Variants in PODN observed in about 807,000 individuals in gnomAD.
The protein encoded by PODN is podocan proteoglycan.
Under a neutral mutation model 52.7 loss-of-function variants are expected in PODN, and 40 were observed. The observed-to-expected ratio is 0.76, with a 90% CI of 0.59 to 0.99. The LOEUF is 0.99. Among genes scored for constraint, PODN ranks in the 50% least tolerant of loss-of-function variants. The probability of loss-of-function intolerance (pLI) is 0.00; values close to 1 mark genes in which losing one functional copy is unlikely to be tolerated. For missense variants in PODN, 720 were observed against 815.1 expected, an observed-to-expected ratio of 0.88 and a Z score of 1.42; for synonymous variants, 396 against 377.9, an observed-to-expected ratio of 1.05 and a Z score of -0.56.
Position 53,078,629 on chromosome 1 carries a change from C to G in PODN, c.1119C>G (p.Arg373=), listed in dbSNP as rs373979403. 2 of 1,612,922 alleles carry G rather than the reference C, an allele frequency of 1.2e-6. No individual in the cohort carries two copies. The highest frequency in any genetic ancestry group is 2.7e-5 in the African/African-American group (2 of 74,956). ...TVHLYNNALE[R]VPSGLPRRVR... The stretch of plus-strand genomic sequence containing the variant: ...ACCTGTACAACAACGCGCTGGAGCG[C>G]GTGCCCAGTGGCCTGCCTCGCCGCG... Residue 373 remains arginine (R), a synonymous_variant, in exon 8 of 11, where the codon CGC becomes CGG. Transcript: ENST00000312553.
intron 5 of PODN, among the ~76,000 whole-genome samples, chr1:53,076,670 A>G (rs1644199241): frequency 6.6e-6 from 1 of 151,276 alleles, no homozygotes; most frequent in African/African-American, 2.4e-5. Context: ...TTATATATAT[A>G]TGCATATATC....
At chr1:53,077,626 G>A (rs529271473) in intron 6 of PODN, 59 bp from the exon 7 acceptor site, 1 of 1,495,668 alleles carries the variant, frequency 6.7e-7, no homozygotes, top group East Asian at 2.3e-5. Flanking sequence ...TCATCCCGAG[G>A]CCCTGACCTT....
rs776904611 is a variant in PODN, at chr1:53,070,161, T to C, written c.306T>C (p.Ser102=). Reference sequence around the variant, plus strand: ...TGCCTGAGCACACCAACCACCTATCTCTGCAGGTGAGGTCGGCGTTGCACC... The same window carrying C: ...TGCCTGAGCACACCAACCACCTATCCCTGCAGGTGAGGTCGGCGTTGCACC... ...GDLPEHTNHL[S]LQNNQLEKIY... Residue 102 remains serine, a synonymous_variant, in exon 2 of 11, where the codon TCT becomes TCC. Transcript: ENST00000312553. The C allele has an allele frequency of 6.2e-7, 1 of 1,607,832 alleles. No homozygotes were observed. The highest frequency in any genetic ancestry group is 2.2e-5 in the East Asian group (1 of 44,870).
At chr1:53,074,785 G>T in intron 4 of PODN, 115 bp downstream of exon 4, 1 of 908,878 alleles carries the variant, frequency 1.1e-6, no homozygotes, top group Non-Finnish European at 1.7e-6. Context: ...GGTCCTTGTT[G>T]CTGCTCAGAC....
Position 53,082,056 on chromosome 1 carries a change from T to C in PODN, c.1737T>C (p.Ile579=). The change falls in exon 10 of 11, where the codon ATT becomes ATC. Residue 579 remains isoleucine, a synonymous_variant. Coordinates refer to ENST00000312553, the MANE Select transcript of PODN (RefSeq NM_153703.5). Reference sequence around the variant, plus strand: ...TGAAGCACCTGCAGGTCTTGGACATTGAAGGCAACTTAGAGTTTGGTGACA... The same window carrying C: ...TGAAGCACCTGCAGGTCTTGGACATCGAAGGCAACTTAGAGTTTGGTGACA... The part of the protein sequence containing the change: ...RRLKHLQVLD[I]EGNLEFGDIS... 1 of 1,613,824 alleles carries C rather than the reference T, an allele frequency of 6.2e-7. No homozygotes were observed. The highest frequency in any genetic ancestry group is 1.1e-5 in the South Asian group (1 of 91,042).
chr1:53,083,025 G>A (rs975507400), intron 10 of PODN, among the ~76,000 whole-genome samples: 7 of 152,210 alleles, frequency 4.6e-5, no homozygotes, highest in Non-Finnish European at 8.8e-5. Context: ...GCTGCTGAGG[G>A]GCTGAGGGAA....
At chr1:53,077,136 T>TGGCGCAGGGCCTGGGG (rs1644205344) in intron 5 of PODN, 54 bp from the exon 6 acceptor site, 4 of 1,589,786 alleles carry the variant, frequency 2.5e-6, no homozygotes, top group Non-Finnish European at 3.4e-6. Flanking sequence ...CCAGTTGAGC[T>TGGCGCAGGGCCTGGGG]GGCGCAGGGC....
chr1:53,085,220 C>T lies in PODN; in HGVS notation c.*735C>T, dbSNP rs1488184698. The T allele has an allele frequency of 6.6e-6, 1 of 152,230 alleles. No homozygotes were observed. Among genetic ancestry groups the T allele is most frequent in the Non-Finnish European group, 1.5e-5 (1 of 68,104 alleles). 9.4% of individuals were successfully genotyped at this position (152,230 alleles called of 1,614,324 possible). On this transcript the variant is annotated 3_prime_UTR_variant, in exon 11 of 11. Transcript: ENST00000312553. ...CTGCCACGCCCTGGCAGGACACAGG[C>T]ACTTTTCCAATGGGCAAGCCCAGTG...
At position 53,080,879 on chromosome 1, in the gene PODN, A is replaced by T; in HGVS notation, c.1661+3A>T. 3 of 1,613,812 alleles carry T rather than the reference A, an allele frequency of 1.9e-6. No individual in the cohort carries two copies. The highest frequency in any genetic ancestry group is 2.5e-6 in the Non-Finnish European group (3 of 1,180,002). ...AACCTCAAGGGGATCTTTCTCAGGTAGGAGCCCACTCGCGGCCCTGTACAC... is the reference window on the plus strand; with the variant it reads ...AACCTCAAGGGGATCTTTCTCAGGTTGGAGCCCACTCGCGGCCCTGTACAC... On this transcript the variant is annotated splice_donor_region_variant and intron_variant, in intron 9 of 10. Transcript: ENST00000312553.
chr1:53,076,146 G>A (rs1395490685), intron 5 of PODN, among the ~76,000 whole-genome samples, 175 bp downstream of exon 5: 1 of 152,218 alleles, frequency 6.6e-6, no homozygotes, highest in East Asian at 1.9e-4. Flanking sequence ...CAGGAGGTGA[G>A]GACAGAGAGT....
chr1:53,080,693 G>A (rs1644282118), intron 8 of PODN, 35 bp from the exon 9 acceptor site: 2 of 1,605,302 alleles, frequency 1.2e-6, no homozygotes, highest in Non-Finnish European at 1.7e-6. Flanking sequence ...CTTTGCACAG[G>A]TGGGAGTCCC....
At chr1:53,073,400 T>C (rs1644148191) in intron 3 of PODN, 1 of 152,432 alleles carries the variant, frequency 6.6e-6, no homozygotes, top group Admixed American at 6.5e-5. Flanking sequence ...TAGTGATTGG[T>C]TGAAGAATCT....
chr1:53,075,892 G>GC lies in PODN; in HGVS notation c.505dup (p.Leu169ProfsTer108). On this transcript the variant is annotated frameshift_variant, in exon 5 of 11. Transcript: ENST00000312553. LOFTEE classifies it high-confidence loss of function. ...CTTGGCACCCCGCTTCCTGCCAAAC[G>GC]CCCTGATCAGTGTGGACTTTGCTGC... 1 of 1,605,294 alleles carries GC rather than the reference G, an allele frequency of 6.2e-7. No homozygotes were observed.
intron 1 of PODN, among the ~76,000 whole-genome samples, chr1:53,063,005 G>A (rs1293552314): frequency 6.6e-6 from 1 of 152,236 alleles, no homozygotes; most frequent in Non-Finnish European, 1.5e-5. Flanking sequence ...GTGGGGGTCC[G>A]CGAAGCGCGA....
chr1:53,078,989 C>T lies in PODN; in HGVS notation c.1479C>T (p.Gly493=), dbSNP rs760164519. 2.6e-6 allele frequency: 4 copies of T among 1,565,968 alleles called. No homozygotes were observed. Among genetic ancestry groups the T allele is most frequent in the East Asian group, 4.7e-5 (2 of 42,560 alleles). ...ACCGACTGCGCAGCCGAGCCCTGGG[C>T]CCCCGTGCCTGGGTGGACCTCGCCC... The part of the protein sequence containing the change: ...TSNRLRSRAL[G]PRAWVDLAHL... Residue 493 remains glycine (G), a synonymous_variant, in exon 8 of 11, where the codon GGC becomes GGT. Coordinates refer to ENST00000312553, the MANE Select transcript of PODN (RefSeq NM_153703.5).
chr1:53,078,520 A>G lies in PODN; in HGVS notation c.1010A>G (p.Tyr337Cys), dbSNP rs1399761457. 1.2e-6 allele frequency: 2 copies of G among 1,613,142 alleles called. No homozygotes were observed. Among genetic ancestry groups the G allele is most frequent in the Non-Finnish European group, 1.7e-6 (2 of 1,180,052 alleles). ...CTGACCCCCATCCGCAGCCTGGAGT[A>G]CCTGCTGCTGCACAGCAACCAGCTG... ...NVLTPIRSLE[Y>C]LLLHSNQLRE... The change falls in exon 8 of 11, where the codon TAC becomes TGC. Residue 337 changes from tyrosine (Y) to cysteine (C), a missense_variant. Transcript: ENST00000312553.
intron 1 of PODN, among the ~76,000 whole-genome samples, chr1:53,068,701 G>A (rs1003147928): frequency 2.6e-5 from 4 of 152,212 alleles, no homozygotes; most frequent in African/African-American, 9.7e-5. Context: ...CTGAGAGTCA[G>A]TGAACCTGAG....
At chr1:53,063,564 G>A in intron 1 of PODN, 5 of 985,502 alleles carry the variant, frequency 5.1e-6, no homozygotes, top group Non-Finnish European at 6.0e-6. Context: ...TCCGAGGTAG[G>A]TCACTCAGAA....
intron 3 of PODN, among the ~76,000 whole-genome samples, chr1:53,072,406 G>A (rs1243209863): frequency 6.6e-6 from 1 of 152,198 alleles, no homozygotes; most frequent in Non-Finnish European, 1.5e-5. Flanking sequence ...TCAGTTGTGG[G>A]AGGCTGTACA....
Sources: allele counts gnomAD v4.1 joint callset (sites outside exome capture counted in the v4.1 genomes callset), GRCh38; gene constraint gnomAD v4.1.1; transcripts MANE v1.5; gene names NCBI Gene and HGNC (gene_info 2026-07-23, HGNC 2026-07-21).